The following FBXL20 variants were observed in gnomAD, a reference collection of about 807,000 sequenced individuals.
FBXL20 encodes F-box/LRR-repeat protein 20.
FBXL20 carries 11 observed loss-of-function variants against 64.0 expected under a neutral mutation model. The ratio of observed to expected loss-of-function variants is 0.17; its 90% CI spans 0.11 to 0.28. The LOEUF (loss-of-function observed/expected upper bound fraction) is 0.28. Ranked by LOEUF, FBXL20 falls within the 10% of genes least tolerant of loss-of-function variation. FBXL20 has a pLI of 1.00. For missense variants in FBXL20, 303 were observed against 526.2 expected, an observed-to-expected ratio of 0.58 and a Z score of 4.15; for synonymous variants, 184 against 189.0, an observed-to-expected ratio of 0.97 and a Z score of 0.22.
chr17:39,395,643 T>C (rs1216613498), intron 1 of FBXL20, among the ~76,000 whole-genome samples: 1 of 152,198 alleles, frequency 6.6e-6, no homozygotes, highest in Non-Finnish European at 1.5e-5. Context: ...GCAAAGGTTT[T>C]CAAAAGAAAC....
intron 1 of FBXL20, 127 bp downstream of exon 1, chr17:39,401,234 C>G: frequency 6.4e-7 from 1 of 1,554,906 alleles, no homozygotes. Flanking sequence ...GGAGCGGAGT[C>G]TGGCAGCCCC....
At chr17:39,373,601 C>CAAA (rs2047938574) in intron 1 of FBXL20, among the ~76,000 whole-genome samples, 1 of 152,190 alleles carries the variant, frequency 6.6e-6, no homozygotes, top group South Asian at 2.1e-4. Context: ...CTTGAGACCT[C>CAAA]TTCAGAAATC....
intron 1 of FBXL20, among the ~76,000 whole-genome samples, chr17:39,354,801 G>A (rs1471960495): frequency 6.6e-6 from 1 of 152,148 alleles, no homozygotes; most frequent in African/African-American, 2.4e-5. Context: ...CACAGCAATA[G>A]ACAGACTGAA....
chr17:39,383,659 G>A lies in FBXL20; in HGVS notation c.42+17702C>T, dbSNP rs572449757. Among the ~76,000 whole-genome samples the A allele has an allele frequency of 1.0e-3, 156 of 148,638 alleles. 1 individual carries two copies. Among genetic ancestry groups the A allele is most frequent in the African/African-American group, 3.7e-3 (150 of 40,416 alleles). ...GGCTGGAGTGCAGTGGCGCGATCTC[G>A]GCTCACTGCAACCTCCGCCTCCCAG... is the stretch of plus-strand genomic sequence containing the variant. On this transcript the variant is annotated intron_variant, in intron 1 of 14. Transcript: ENST00000264658.
At chr17:39,313,626 C>T (rs528716139) in intron 2 of FBXL20, among the ~76,000 whole-genome samples, 1 of 151,732 alleles carries the variant, frequency 6.6e-6, no homozygotes, top group East Asian at 2.0e-4. Flanking sequence ...TCCCTCATAA[C>T]AAACATTTAT....
intron 5 of FBXL20, 104 bp downstream of exon 5, chr17:39,298,886 C>G: frequency 1.2e-6 from 1 of 843,216 alleles, no homozygotes; most frequent in East Asian, 2.6e-5. Context: ...TGTGTGGTTG[C>G]ATTTTTAATA....
intron 1 of FBXL20, among the ~76,000 whole-genome samples, chr17:39,370,752 G>A (rs1454585705): frequency 6.8e-6 from 1 of 147,538 alleles, no homozygotes; most frequent in South Asian, 2.1e-4. Flanking sequence ...CCGAGATCGC[G>A]CCACTGCACT....
In FBXL20 at chr17:39,358,511, T is replaced by C. The variant is rs553328715; in HGVS notation, c.43-15270A>G. 2.6e-5 allele frequency among the ~76,000 whole-genome samples: 4 copies of C among 152,032 alleles called. No individual in the cohort carries two copies. In the South Asian group the frequency reaches 6.2e-4, roughly 24 times the overall value. ...CAGCCTGGCCAACATGGCGAAACCC[T>C]GTCTCTTCTAAAAATACAAAGATTA... On this transcript the variant is annotated intron_variant, in intron 1 of 14. Transcript: ENST00000264658.
At chr17:39,277,573 C>T (rs536352391) in intron 9 of FBXL20, among the ~76,000 whole-genome samples, 2 of 151,780 alleles carry the variant, frequency 1.3e-5, no homozygotes, top group South Asian at 4.2e-4. Context: ...CCTAACATGG[C>T]GAAACCCCGT....
At chr17:39,335,883 G>A (rs747833884) in intron 2 of FBXL20, among the ~76,000 whole-genome samples, 4 of 152,096 alleles carry the variant, frequency 2.6e-5, no homozygotes, top group Non-Finnish European at 4.4e-5. Context: ...GCTCATGCCT[G>A]TAATCCTAAT....
At chr17:39,280,500 T>G (rs1489918876) in intron 9 of FBXL20, among the ~76,000 whole-genome samples, 1 of 150,586 alleles carries the variant, frequency 6.6e-6, no homozygotes, top group Non-Finnish European at 1.5e-5. Context: ...GAGGTGGAGG[T>G]TGGCTGCAGT....
chr17:39,270,904 G>A, intron 10 of FBXL20, 48 bp from the exon 11 acceptor site: 1 of 1,449,566 alleles, frequency 6.9e-7, no homozygotes. Flanking sequence ...CTTGGTCCCT[G>A]AAAACTGAGT....
At chr17:39,346,951 T>C (rs7359658) in intron 1 of FBXL20, among the ~76,000 whole-genome samples, 48,245 of 151,730 alleles carry the variant, frequency 0.32, 8,552 homozygotes, top group African/African-American at 0.48. Flanking sequence ...TGTTTGGTTT[T>C]CTGTCCTTGC....
intron 11 of FBXL20, among the ~76,000 whole-genome samples, chr17:39,270,365 G>A (rs1331935938): frequency 6.6e-6 from 1 of 152,108 alleles, no homozygotes; most frequent in Non-Finnish European, 1.5e-5. Context: ...CCAACATGGT[G>A]AAACCCTGTC....
chr17:39,353,310 C>T (rs2047705459), intron 1 of FBXL20, among the ~76,000 whole-genome samples: 1 of 152,140 alleles, frequency 6.6e-6, no homozygotes, highest in African/African-American at 2.4e-5. Flanking sequence ...TAAGTACCTC[C>T]TTATCAGTGG....
In FBXL20 at chr17:39,285,897, A is replaced by T. The variant is rs546533395; in HGVS notation, c.399-324T>A. 9.8e-5 allele frequency among the ~76,000 whole-genome samples: 15 copies of T among 152,356 alleles called. No homozygotes were observed. The South Asian group carries it at 2.7e-3, about 27-fold the overall frequency. ...AGATCTATATGCATTTTGCAAATCC[A>T]GAAACACCAGAAGCTAATGGCTATC... is the stretch of plus-strand genomic sequence containing the variant. On this transcript the variant is annotated intron_variant, in intron 6 of 14. Coordinates refer to ENST00000264658, the MANE Select transcript of FBXL20 (RefSeq NM_032875.3).
chr17:39,382,624 G>A (rs1042987428), intron 1 of FBXL20, among the ~76,000 whole-genome samples: 2 of 152,038 alleles, frequency 1.3e-5, no homozygotes, highest in African/African-American at 4.8e-5. Flanking sequence ...CTTGAGGCCA[G>A]GAGTTTTAGA....
intron 1 of FBXL20, among the ~76,000 whole-genome samples, chr17:39,386,491 G>A (rs2048081408): frequency 6.6e-6 from 1 of 151,686 alleles, no homozygotes; most frequent in African/African-American, 2.4e-5. Context: ...GGAAGTGGTA[G>A]CGTGCGCCTG....
intron 2 of FBXL20, among the ~76,000 whole-genome samples, chr17:39,317,867 A>AT (rs1433900830): frequency 3.3e-5 from 5 of 151,434 alleles, no homozygotes; most frequent in Non-Finnish European, 7.4e-5. Flanking sequence ...ACGCCCAGCT[A>AT]TTTTTTTGTA....
Sources: allele counts gnomAD v4.1 joint callset (sites outside exome capture counted in the v4.1 genomes callset), GRCh38; gene constraint gnomAD v4.1.1; transcripts MANE v1.5; gene names NCBI Gene and HGNC (gene_info 2026-07-23, HGNC 2026-07-21).